The following AGTPBP1 variants were observed in gnomAD, a reference collection of about 807,000 sequenced individuals.
The protein encoded by AGTPBP1 is cytosolic carboxypeptidase 1.
A neutral mutation model predicts 143.9 loss-of-function variants in AGTPBP1; 70 were observed. The ratio of observed to expected loss-of-function variants is 0.49; its 90% CI spans 0.40 to 0.59. AGTPBP1 has a LOEUF of 0.59. AGTPBP1 is among the 20% of genes least tolerant of loss of function. AGTPBP1 has a pLI of 0.00. For missense variants in AGTPBP1, 1,229 were observed against 1,464.5 expected (o/e 0.84, Z 2.62); for synonymous variants, 463 against 500.2 (o/e 0.93, Z 0.99).
chr9:85,687,368 A>G (rs761334332), intron 3 of AGTPBP1, among the ~76,000 whole-genome samples: 5 of 152,180 alleles, frequency 3.3e-5, no homozygotes, highest in Non-Finnish European at 7.4e-5. Context: ...CTATCAACTA[A>G]CCTAATTGAT....
the AGTPBP1 span, among the ~76,000 whole-genome samples, chr9:85,758,818 A>T: frequency 6.6e-6 from 1 of 152,184 alleles, no homozygotes; most frequent in African/African-American, 2.4e-5. Flanking sequence ...AAAAGAGGAG[A>T]TTATCAAAGA....
chr9:85,642,730 A>T, intron 13 of AGTPBP1, 97 bp downstream of exon 13: 1 of 973,430 alleles, frequency 1.0e-6, no homozygotes, highest in East Asian at 2.4e-5. Context: ...ACTTTTTAGA[A>T]ATGGAAAGAA....
chr9:85,574,331 T>C (rs1827751776), intron 25 of AGTPBP1, among the ~76,000 whole-genome samples: 1 of 152,138 alleles, frequency 6.6e-6, no homozygotes, highest in Non-Finnish European at 1.5e-5. Context: ...ACACAAACAC[T>C]GCGGAGGGCC....
Position 85,654,680 on chromosome 9 carries a change from TA to T in AGTPBP1, c.1087+462del, listed in dbSNP as rs1036166795. ...CAACATGGCGAAAACCCATCTCTAC[TA>T]AAAATACAAAAATTACCCGGGAATG... On this transcript the variant is annotated intron_variant, in intron 11 of 25. Coordinates refer to ENST00000357081, the MANE Select transcript of AGTPBP1 (RefSeq NM_001330701.2). Among the ~76,000 whole-genome samples the T allele has an allele frequency of 2.0e-4, 30 of 151,872 alleles. 1 individual carries two copies. The highest frequency in any genetic ancestry group is 1.4e-3 in the Admixed American group (21 of 15,254).
chr9:85,742,228 T>G (rs1477461129), upstream of AGTPBP1, among the ~76,000 whole-genome samples: 2 of 152,038 alleles, frequency 1.3e-5, no homozygotes, highest in East Asian at 3.9e-4. Flanking sequence ...GCCGGTCCCT[T>G]GTACCCAGCA....
the AGTPBP1 span, chr9:85,786,465 G>A: frequency 2.5e-6 from 4 of 1,613,736 alleles, no homozygotes; most frequent in East Asian, 2.2e-5. Flanking sequence ...AAAGAATTAC[G>A]TCAAATTTCC....
In AGTPBP1 at chr9:85,592,820, T is replaced by A; in HGVS notation, c.2424-116A>T. On this transcript the variant is annotated intron_variant, in intron 18 of 25. Coordinates refer to ENST00000357081, the MANE Select transcript of AGTPBP1 (RefSeq NM_001330701.2). ...AAGAAAAACCCGAGTCTGTAAAAAG[T>A]GTAACTTAAATACCCTATTTTAAAA... 4 of 1,276,744 alleles carry A rather than the reference T, an allele frequency of 3.1e-6. No individual in the cohort carries two copies. In the South Asian group the frequency reaches 5.4e-5, roughly 17 times the overall value. The allele number at this position is 1,276,744 out of a possible 1,614,324, so 79.1% of individuals were successfully genotyped here. A position where few individuals can be genotyped will look rare whatever the true frequency, so the allele number is the denominator to read the frequency against.
At chr9:85,778,014 CCT>C in the AGTPBP1 span, among the ~76,000 whole-genome samples, 306 of 152,284 alleles carry the variant, frequency 2.0e-3, 1 homozygote, top group Non-Finnish European at 3.3e-3. Context: ...CTTCTCTTCC[CCT>C]GTCAACTGAT....
chr9:85,772,843 A>G, the AGTPBP1 span, among the ~76,000 whole-genome samples: 1 of 152,204 alleles, frequency 6.6e-6, no homozygotes. Context: ...TAGATGTTTC[A>G]AGAATCTTTA....
intron 17 of AGTPBP1, among the ~76,000 whole-genome samples, chr9:85,604,760 T>C (rs912666074): frequency 6.6e-6 from 1 of 152,162 alleles, no homozygotes; most frequent in Admixed American, 6.5e-5. Flanking sequence ...CAGAATCCTA[T>C]GAGATGCATT....
At chr9:85,728,478 T>C (rs368859970) in intron 1 of AGTPBP1, among the ~76,000 whole-genome samples, 1 of 152,296 alleles carries the variant, frequency 6.6e-6, no homozygotes, top group East Asian at 1.9e-4. Flanking sequence ...CTGCCAATCA[T>C]AGGAAAGTAA....
intron 3 of AGTPBP1, among the ~76,000 whole-genome samples, chr9:85,687,684 T>C (rs924940018): frequency 1.3e-5 from 2 of 151,896 alleles, no homozygotes; most frequent in African/African-American, 4.8e-5. Context: ...AAAAATACAA[T>C]ATATCAAAAT....
chr9:85,731,128 T>C (rs1306955516), intron 1 of AGTPBP1, among the ~76,000 whole-genome samples: 1 of 152,190 alleles, frequency 6.6e-6, no homozygotes, highest in Non-Finnish European at 1.5e-5. Context: ...AATTAGGAAG[T>C]GATACTAATC....
the AGTPBP1 span, among the ~76,000 whole-genome samples, chr9:85,748,177 T>A: frequency 6.6e-6 from 1 of 152,238 alleles, no homozygotes; most frequent in African/African-American, 2.4e-5. Flanking sequence ...GCTCTCTCTG[T>A]CACTAAAGTC....
At chr9:85,579,183 C>T in intron 23 of AGTPBP1, 87 bp from the exon 24 acceptor site, 1 of 1,342,102 alleles carries the variant, frequency 7.5e-7, no homozygotes, top group Non-Finnish European at 1.0e-6. Context: ...GATGAAAACA[C>T]AGTAATTAGA....
chr9:85,598,602 T>C (rs1829448590), intron 17 of AGTPBP1, among the ~76,000 whole-genome samples: 1 of 152,244 alleles, frequency 6.6e-6, no homozygotes, highest in South Asian at 2.1e-4. Context: ...GCCAGGGTTG[T>C]TGTGCTGTGT....
the AGTPBP1 span, among the ~76,000 whole-genome samples, chr9:85,798,276 G>C: frequency 0.011 from 1,627 of 151,976 alleles, 19 homozygotes; most frequent in African/African-American, 0.037. Context: ...TGAGTGAGAA[G>C]AGTATATGGA....
At chr9:85,726,342 C>T (rs1039987140) in intron 1 of AGTPBP1, among the ~76,000 whole-genome samples, 24 of 152,128 alleles carry the variant, frequency 1.6e-4, no homozygotes, top group African/African-American at 5.8e-4. Flanking sequence ...GACAAAATTA[C>T]AATGGAGTTA....
At chr9:85,582,535 C>T (rs1236861699) in intron 23 of AGTPBP1, among the ~76,000 whole-genome samples, 1 of 151,920 alleles carries the variant, frequency 6.6e-6, no homozygotes, top group Non-Finnish European at 1.5e-5. Context: ...AAAATATTAG[C>T]TAGGAGTGGT....
Sources: allele counts gnomAD v4.1 joint callset (sites outside exome capture counted in the v4.1 genomes callset), GRCh38; gene constraint gnomAD v4.1.1; transcripts MANE v1.5; gene names NCBI Gene and HGNC (gene_info 2026-07-23, HGNC 2026-07-21).